DLG2: variants seen among roughly 807,000 people sequenced by gnomAD.
DLG2 encodes the protein disks large homolog 2.
A neutral mutation model predicts 132.5 loss-of-function variants in DLG2; 45 were observed. The observed-to-expected ratio is 0.34, with a 90% confidence interval of 0.27 to 0.44. DLG2 has a LOEUF of 0.44. Among genes scored for constraint, DLG2 ranks in the 20% least tolerant of loss-of-function variants. The pLI is 1.00. For missense variants in DLG2, 1,045 were observed against 1,196.9 expected (o/e 0.87, Z 1.87); for synonymous variants, 424 against 419.6 (o/e 1.01, Z -0.13).
chr11:84,893,957 A>T (rs1018943956), intron 6 of DLG2, among the ~76,000 whole-genome samples: 2 of 152,178 alleles, frequency 1.3e-5, no homozygotes, highest in Non-Finnish European at 2.9e-5. Context: ...TATAAATTAT[A>T]TACATAAGAA....
chr11:85,356,367 CT>C lies in DLG2; in HGVS notation c.41-71003del, dbSNP rs367896198. ...AAACTGAGGAGTAACAGAATTTGTC[CT>C]TTTTTTTTTACATAATGATGAGGAA... On this transcript the variant is annotated intron_variant, in intron 3 of 27. Coordinates refer to ENST00000376104, the MANE Select transcript of DLG2 (RefSeq NM_001142699.3). Among the ~76,000 whole-genome samples, 285 of 148,130 alleles carry C rather than the reference CT, an allele frequency of 1.9e-3. 3 individuals carry two copies. In the South Asian group the frequency reaches 0.023, roughly 12 times the overall value.
At chr11:84,370,660 A>C (rs1018909036) in intron 7 of DLG2, among the ~76,000 whole-genome samples, 1 of 152,162 alleles carries the variant, frequency 6.6e-6, no homozygotes, top group Admixed American at 6.5e-5. Context: ...CATTAATAAC[A>C]TATGTGTGTA....
intron 17 of DLG2, among the ~76,000 whole-genome samples, chr11:83,802,880 T>C (rs12801474): frequency 0.48 from 72,550 of 151,846 alleles, 17,515 homozygotes; most frequent in Middle Eastern, 0.69. Context: ...GGGGCTATGG[T>C]ATTGTGGTGG....
At chr11:85,228,568 A>C (rs2075110755) in intron 4 of DLG2, among the ~76,000 whole-genome samples, 1 of 152,068 alleles carries the variant, frequency 6.6e-6, no homozygotes, top group Admixed American at 6.6e-5. Context: ...TATCATTATG[A>C]AAGTTACCTC....
At chr11:83,548,591 G>A (rs1341702109) in intron 19 of DLG2, among the ~76,000 whole-genome samples, 1 of 152,118 alleles carries the variant, frequency 6.6e-6, no homozygotes, top group African/African-American at 2.4e-5. Context: ...CCCACTGAGT[G>A]CCTGTTATTG....
chr11:83,962,882 G>A lies in DLG2; in HGVS notation c.1340+3C>T, dbSNP rs2154157239. On this transcript the variant is annotated splice_donor_region_variant and intron_variant, in intron 14 of 27. Transcript: ENST00000376104. ...ATCCAATTAACTAACAGGCATATCT[G>A]ACCTGGTGTAGTCGTCGTCAACAAG... 2 of 1,612,452 alleles carry A rather than the reference G, an allele frequency of 1.2e-6. No individual in the cohort carries two copies. The highest frequency in any genetic ancestry group is 4.5e-5 in the East Asian group (2 of 44,864).
At chr11:84,282,165 G>C (rs1425621899) in intron 7 of DLG2, among the ~76,000 whole-genome samples, 1 of 152,142 alleles carries the variant, frequency 6.6e-6, no homozygotes, top group Admixed American at 6.5e-5. Context: ...CAACAGAATA[G>C]TGTTCAGCAA....
intron 6 of DLG2, among the ~76,000 whole-genome samples, chr11:84,661,156 G>T (rs907351467): frequency 7.9e-5 from 12 of 152,128 alleles, no homozygotes; most frequent in African/African-American, 1.2e-4. Context: ...AAATGCCAAG[G>T]CATAATGCTT....
At chr11:83,724,470 T>TGAGA (rs1321049124) in intron 18 of DLG2, among the ~76,000 whole-genome samples, 5 of 99,486 alleles carry the variant, frequency 5.0e-5, no homozygotes, top group Non-Finnish European at 4.3e-5. Flanking sequence ...TGTGTGTGTG[T>TGAGA]GTGTGTGAGA....
At chr11:83,646,525 C>A (rs1227559905) in intron 18 of DLG2, 1 of 152,268 alleles carries the variant, frequency 6.6e-6, no homozygotes, top group Non-Finnish European at 1.5e-5. Context: ...GTGGTCTCTC[C>A]TCTCACACAC....
chr11:85,466,723 T>C (rs2092804051), intron 3 of DLG2, among the ~76,000 whole-genome samples: 1 of 152,238 alleles, frequency 6.6e-6, no homozygotes, highest in Admixed American at 6.5e-5. Flanking sequence ...CCTTGTAGTA[T>C]AGTTTGAAGT....
In DLG2 at chr11:84,912,208, G is replaced by A. The variant is rs149564437; in HGVS notation, c.357+199453C>T. Among the ~76,000 whole-genome samples the A allele has an allele frequency of 2.3e-4, 35 of 152,212 alleles. No homozygotes were observed. The East Asian group carries it at 5.8e-3, about 25-fold the overall frequency. On this transcript the variant is annotated intron_variant, in intron 6 of 27. Transcript: ENST00000376104. Reference sequence around the variant, plus strand: ...TCTGTCGCCCAGGCTGGAGCACAGCGGCGCGATCTCGATCTCGGCTCACTG... The same window carrying A: ...TCTGTCGCCCAGGCTGGAGCACAGCAGCGCGATCTCGATCTCGGCTCACTG...
intron 11 of DLG2, among the ~76,000 whole-genome samples, chr11:84,055,224 G>A (rs1401816710): frequency 6.6e-6 from 1 of 151,732 alleles, no homozygotes; most frequent in Non-Finnish European, 1.5e-5. Context: ...CCTCATCCTT[G>A]AAACACCACC....
intron 15 of DLG2, among the ~76,000 whole-genome samples, chr11:83,911,942 T>C (rs1462785159): frequency 6.6e-6 from 1 of 151,990 alleles, no homozygotes; most frequent in Non-Finnish European, 1.5e-5. Flanking sequence ...AACTTGTTAA[T>C]TCCTACCCCA....
chr11:84,145,646 T>C (rs569729211), intron 9 of DLG2, among the ~76,000 whole-genome samples: 10 of 152,204 alleles, frequency 6.6e-5, no homozygotes, highest in Admixed American at 5.9e-4. Flanking sequence ...AGAAAATATA[T>C]TGGTCAGTTT....
intron 4 of DLG2, among the ~76,000 whole-genome samples, chr11:85,242,181 A>G (rs957106828): frequency 1.3e-5 from 2 of 151,932 alleles, no homozygotes; most frequent in Non-Finnish European, 2.9e-5. Flanking sequence ...CCTCAATTCA[A>G]AGCCTTTTTC....
intron 14 of DLG2, among the ~76,000 whole-genome samples, chr11:83,957,571 T>TTA (rs1555204637): frequency 2.7e-4 from 35 of 131,858 alleles, no homozygotes; most frequent in East Asian, 7.2e-4. Flanking sequence ...TTTTTTTTTT[T>TTA]AAAAACATAA....
At chr11:85,578,395 T>C (rs1440828887) in intron 3 of DLG2, among the ~76,000 whole-genome samples, 1 of 152,096 alleles carries the variant, frequency 6.6e-6, no homozygotes, top group African/African-American at 2.4e-5. Flanking sequence ...ACAAGTGGGA[T>C]CTAATTAAAC....
intron 16 of DLG2, among the ~76,000 whole-genome samples, chr11:83,861,497 G>A (rs1005427061): frequency 1.3e-5 from 2 of 152,128 alleles, no homozygotes; most frequent in Non-Finnish European, 2.9e-5. Flanking sequence ...ATCAACAGAT[G>A]AATGATAAAG....
Sources: allele counts gnomAD v4.1 joint callset (sites outside exome capture counted in the v4.1 genomes callset), GRCh38; gene constraint gnomAD v4.1.1; transcripts MANE v1.5; gene names NCBI Gene and HGNC (gene_info 2026-07-23, HGNC 2026-07-21).